The following SHANK2 variants were observed in gnomAD, a reference collection of about 807,000 sequenced individuals.
SHANK2 encodes the protein SH3 and multiple ankyrin repeat domains protein 2.
Under a neutral mutation model 133.7 loss-of-function variants are expected in SHANK2, and 43 were observed. The ratio of observed to expected loss-of-function variants is 0.32; its 90% confidence interval spans 0.25 to 0.41. The LOEUF is 0.41. Ranked by LOEUF, SHANK2 falls within the 10% of genes least tolerant of loss-of-function variation. The probability of loss-of-function intolerance (pLI) is 1.00; values close to 1 mark genes in which losing one functional copy is unlikely to be tolerated. For missense variants in SHANK2, 1,994 were observed against 2,235.8 expected, an observed-to-expected ratio of 0.89 and a Z score of 2.18; for synonymous variants, 1,017 against 952.8, an observed-to-expected ratio of 1.07 and a Z score of -1.24.
At chr11:70,537,526 AAGTGGCAGG>A (rs2059561031) in intron 17 of SHANK2, among the ~76,000 whole-genome samples, 1 of 152,208 alleles carries the variant, frequency 6.6e-6, no homozygotes, top group Non-Finnish European at 1.5e-5. Flanking sequence ...CAGAAGCTAG[AAGTGGCAGG>A]AGGCCTCCTC....
upstream of SHANK2, among the ~76,000 whole-genome samples, chr11:71,253,172 A>C (rs1397879644): frequency 6.6e-6 from 1 of 152,146 alleles, no homozygotes; most frequent in Non-Finnish European, 1.5e-5. Flanking sequence ...AGCAAAAGCC[A>C]ACGGCTCGGG....
At chr11:70,824,428 G>T (rs1555056787) in intron 11 of SHANK2, among the ~76,000 whole-genome samples, 1 of 152,110 alleles carries the variant, frequency 6.6e-6, no homozygotes, top group Non-Finnish European at 1.5e-5. Context: ...AGCAGCCGGG[G>T]CTCCTCAGCC....
intron 1 of SHANK2, among the ~76,000 whole-genome samples, chr11:71,250,096 C>T (rs1455606095): frequency 6.7e-6 from 1 of 149,508 alleles, no homozygotes; most frequent in Non-Finnish European, 1.5e-5. Context: ...ACAGAAAGAT[C>T]CCCCCAACAG....
rs782013924 is a variant in SHANK2, at chr11:70,669,924, G to A, written c.1854-8246C>T. On this transcript the variant is annotated intron_variant, in intron 15 of 25. Transcript: ENST00000601538. Reference sequence around the variant, plus strand: ...CTCACGGCCAAACAAGTTCAAAGGCGGAATGATTAAATCACTTCTGAATGT... The same window carrying A: ...CTCACGGCCAAACAAGTTCAAAGGCAGAATGATTAAATCACTTCTGAATGT... 7.9e-5 allele frequency among the ~76,000 whole-genome samples: 12 copies of A among 152,220 alleles called. No homozygotes were observed. In the South Asian group the frequency reaches 2.3e-3, roughly 29 times the overall value.
chr11:70,601,796 T>C (rs537672639), intron 17 of SHANK2, among the ~76,000 whole-genome samples: 17 of 152,326 alleles, frequency 1.1e-4, no homozygotes, highest in African/African-American at 4.1e-4. Flanking sequence ...AGTCCATTAG[T>C]AATCAGGAAA....
At chr11:70,859,103 G>T (rs1482124056) in intron 11 of SHANK2, among the ~76,000 whole-genome samples, 1 of 152,174 alleles carries the variant, frequency 6.6e-6, no homozygotes, top group Non-Finnish European at 1.5e-5. Flanking sequence ...CAGAATGGTG[G>T]GTGGGTGAGT....
At chr11:70,701,154 G>A (rs537712134) in intron 14 of SHANK2, among the ~76,000 whole-genome samples, 2 of 151,418 alleles carry the variant, frequency 1.3e-5, no homozygotes, top group South Asian at 2.1e-4. Context: ...GAATGTGTGC[G>A]TGTGTGTGTA....
chr11:70,839,300 T>C (rs1486301692), intron 11 of SHANK2, among the ~76,000 whole-genome samples: 2 of 152,218 alleles, frequency 1.3e-5, no homozygotes, highest in African/African-American at 4.8e-5. Flanking sequence ...GTTGCTTTAT[T>C]TGGTAACTCA....
chr11:70,686,811 C>G (rs566129349), intron 15 of SHANK2, among the ~76,000 whole-genome samples: 1 of 152,196 alleles, frequency 6.6e-6, no homozygotes, highest in Admixed American at 6.5e-5. Context: ...TGGGCAGAGG[C>G]GGGGATCAGT....
At chr11:70,484,452 G>A (rs528314787) in intron 25 of SHANK2, among the ~76,000 whole-genome samples, 28 of 152,174 alleles carry the variant, frequency 1.8e-4, no homozygotes, top group African/African-American at 6.5e-4. Flanking sequence ...GTTTCTTGAG[G>A]CTTCTCCAGA....
At chr11:70,824,080 G>A (rs911701788) in intron 11 of SHANK2, among the ~76,000 whole-genome samples, 9 of 150,998 alleles carry the variant, frequency 6.0e-5, no homozygotes, top group South Asian at 2.2e-4. Flanking sequence ...CAGAGGTGGC[G>A]TTGATGGAGC....
chr11:71,155,198 C>CT (rs1952881366), intron 2 of SHANK2, among the ~76,000 whole-genome samples: 1 of 119,444 alleles, frequency 8.4e-6, no homozygotes. Flanking sequence ...GTGGACCTAC[C>CT]CCAGCCCAAG....
At chr11:70,877,024 G>A (rs573179182) in intron 11 of SHANK2, among the ~76,000 whole-genome samples, 19 of 152,324 alleles carry the variant, frequency 1.2e-4, no homozygotes, top group African/African-American at 4.6e-4. Flanking sequence ...TGGCCCTGGT[G>A]AGAAAGGAGT....
chr11:70,600,279 C>T (rs1427348790), intron 17 of SHANK2, among the ~76,000 whole-genome samples: 2 of 151,272 alleles, frequency 1.3e-5, no homozygotes, highest in Non-Finnish European at 2.9e-5. Context: ...ATTAGCCGGG[C>T]GCGGTGGTGC....
intron 14 of SHANK2, among the ~76,000 whole-genome samples, chr11:70,745,518 C>T (rs536809562): frequency 4.1e-4 from 63 of 152,352 alleles, no homozygotes; most frequent in Admixed American, 1.8e-3. Flanking sequence ...GGCTCTGTCC[C>T]GCCCCTATGA....
At chr11:70,710,804 A>T (rs1392499178) in intron 14 of SHANK2, among the ~76,000 whole-genome samples, 1 of 152,202 alleles carries the variant, frequency 6.6e-6, no homozygotes, top group African/African-American at 2.4e-5. Context: ...GAGCCTGGGC[A>T]GAGAACCCAG....
At chr11:70,698,266 C>A (rs191652676) in intron 15 of SHANK2, 17 of 217,364 alleles carry the variant, frequency 7.8e-5, no homozygotes, top group African/African-American at 3.4e-4. Flanking sequence ...TCCACCTAAG[C>A]AGAAGTGGCA....
chr11:71,178,950 T>G lies in SHANK2; in HGVS notation c.-12-31612A>C, dbSNP rs1215117139. On this transcript the variant is annotated intron_variant, in intron 2 of 25. Transcript: ENST00000601538. Reference sequence around the variant, plus strand: ...GTGAGCTGAGGTTGCACCACTGCACTCCAGCCTGGGTGACAGAATGAGACT... The same window carrying G: ...GTGAGCTGAGGTTGCACCACTGCACGCCAGCCTGGGTGACAGAATGAGACT... 3.9e-5 allele frequency among the ~76,000 whole-genome samples: 6 copies of G among 152,272 alleles called. No individual in the cohort carries two copies. The East Asian group carries it at 1.2e-3, about 29-fold the overall frequency.
intron 11 of SHANK2, among the ~76,000 whole-genome samples, chr11:70,845,380 A>G (rs1286554975): frequency 6.6e-6 from 1 of 152,092 alleles, no homozygotes; most frequent in Non-Finnish European, 1.5e-5. Flanking sequence ...ATCAGAACAG[A>G]ATAGTTTCTC....
Sources: gnomAD v4.1 joint callset for allele counts (sites outside exome capture counted in the v4.1 genomes callset) on GRCh38, gnomAD v4.1.1 for gene constraint, MANE v1.5 for transcripts, NCBI Gene and HGNC (gene_info 2026-07-23, HGNC 2026-07-21) for gene names.